The following MYBPC2 variants were observed in gnomAD, a reference collection of about 807,000 sequenced individuals.
MYBPC2 encodes the protein myosin-binding protein C, fast-type.
In MYBPC2, 122 loss-of-function variants were observed where a neutral mutation model predicts 137.0. That is an observed-to-expected ratio of 0.89 (90% CI 0.77 to 1.03). The LOEUF is 1.03. MYBPC2 is among the 50% of genes least tolerant of loss of function. The pLI is 0.00. For synonymous variants in MYBPC2, 626 were observed against 612.3 expected (o/e 1.02, Z -0.33); for missense variants, 1,500 against 1,534.4 (o/e 0.98, Z 0.37).
At chr19:50,437,822 C>A in intron 7 of MYBPC2, 104 bp downstream of exon 7, 1 of 1,255,304 alleles carries the variant, frequency 8.0e-7, no homozygotes, top group Non-Finnish European at 1.1e-6. Context: ...CACTGCTTAT[C>A]CCTCTACCAC....
chr19:50,466,066 C>T lies in MYBPC2; in HGVS notation c.3416-129C>T, dbSNP rs2040013196. On this transcript the variant is annotated intron_variant, in intron 27 of 27. Transcript: ENST00000357701. The surrounding 1 kb of genome is among the most constrained non-coding windows in gnomAD (Gnocchi z 4.9). ...CTCTGGGTTGTCCAGCCACAGTGGC[C>T]TAGGATGGGGCGGGATGGTGACCGT... The T allele has an allele frequency of 9.0e-6, 12 of 1,329,272 alleles. No homozygotes were observed. Among genetic ancestry groups the T allele is most frequent in the South Asian group, 1.3e-5 (1 of 77,832 alleles). 82.3% of individuals were successfully genotyped at this position (1,329,272 alleles called of 1,614,324 possible). A position where few individuals can be genotyped will look rare whatever the true frequency, so the allele number is the denominator to read the frequency against.
rs1157032617 is a variant in MYBPC2, at chr19:50,432,909, G to A, written c.-45G>A. On this transcript the variant is annotated 5_prime_UTR_variant, in exon 1 of 28. Transcript: ENST00000357701. The surrounding 1 kb of genome is among the most constrained non-coding windows in gnomAD (Gnocchi z 5.5). ...GCCCACCTGTCCTCCCTAGGGCCTA[G>A]CGGGACGCGGCTGCGGTCAGAGGAG... is the stretch of plus-strand genomic sequence containing the variant. The A allele has an allele frequency of 1.9e-6, 3 of 1,599,178 alleles. No individual in the cohort carries two copies. The highest frequency in any genetic ancestry group is 2.6e-6 in the Non-Finnish European group (3 of 1,175,708).
Position 50,446,018 on chromosome 19 carries a change from T to C in MYBPC2, c.1272T>C (p.Asn424=), listed in dbSNP as rs371649646. Residue 424 remains asparagine (N), a synonymous_variant, in exon 12 of 28, where the codon AAT becomes AAC. Transcript: ENST00000357701. ...GGGGTCGCTATCAGGTCATAACCAA[T>C]GGCGGCCAGTGTGAGGCCGAGCTGA... ...EDRGRYQVIT[N]GGQCEAELIV... 1.9e-6 allele frequency: 3 copies of C among 1,613,302 alleles called. No homozygotes were observed. The highest frequency in any genetic ancestry group is 2.5e-6 in the Non-Finnish European group (3 of 1,179,664).
rs768287388 is a variant in MYBPC2, at chr19:50,437,630, A to G, written c.513-29A>G. ...GGCAAGGGGTGAATCTGAAGGGTCA[A>G]GACTCACATGCCCTCTCAATGGCCA... is the stretch of plus-strand genomic sequence containing the variant. On this transcript the variant is annotated intron_variant, in intron 6 of 27. Transcript: ENST00000357701. 6.3e-6 allele frequency: 10 copies of G among 1,597,892 alleles called. No individual in the cohort carries two copies. The East Asian group carries it at 6.8e-5, about 11-fold the overall frequency.
At chr19:50,461,441 C>T in intron 24 of MYBPC2, 101 bp from the exon 25 acceptor site, 2 of 1,260,726 alleles carry the variant, frequency 1.6e-6, no homozygotes, top group Non-Finnish European at 2.2e-6. Flanking sequence ...TTTTTAAACA[C>T]TGGATGTGCT....
intron 16 of MYBPC2, among the ~76,000 whole-genome samples, chr19:50,453,085 G>A (rs906435192): frequency 5.9e-5 from 9 of 151,990 alleles, no homozygotes; most frequent in Non-Finnish European, 8.8e-5. Flanking sequence ...TGCGGCTCCT[G>A]CCCTCCAAGA....
chr19:50,462,170 A>T lies in MYBPC2; in HGVS notation c.3228+134A>T, dbSNP rs193283458. 5.0e-4 allele frequency: 649 copies of T among 1,300,372 alleles called. 3 individuals are homozygous for T. Among genetic ancestry groups the T allele is most frequent in the African/African-American group, 2.2e-3 (146 of 65,762 alleles). The allele number at this position is 1,300,372 out of a possible 1,614,324, so 80.6% of individuals were successfully genotyped here. A position where few individuals can be genotyped will look rare whatever the true frequency, so the allele number is the denominator to read the frequency against. On this transcript the variant is annotated intron_variant, in intron 26 of 27. Coordinates refer to ENST00000357701, the MANE Select transcript of MYBPC2 (RefSeq NM_004533.4). ...CTCAAGGGATTTAGTCACTTAAAAA[A>T]TTTTTTTAATTGATTTTTGATTTTT...
chr19:50,441,859 A>AAAAATAAAAT (rs769002509), intron 8 of MYBPC2, among the ~76,000 whole-genome samples: 111 of 150,768 alleles, frequency 7.4e-4, no homozygotes, highest in South Asian at 5.8e-3. Context: ...AAATAAAATA[A>AAAAATAAAAT]AAAATAAAAT....
rs201993299 is a variant in MYBPC2, at chr19:50,455,516, C to T, written c.2210C>T (p.Thr737Met). 1.8e-4 allele frequency: 292 copies of T among 1,613,214 alleles called. No homozygotes were observed. The African/African-American group carries it at 2.2e-3, about 12-fold the overall frequency. ...TTTTTCTGGATGCTTGCAGCACCCA[C>T]GAGTGAACCCCTGCACCTGATAGTG... is the stretch of plus-strand genomic sequence containing the variant. ...NTKPFMPIAPTSEPLHLIVED... is the reference protein window; with the variant it reads ...NTKPFMPIAPMSEPLHLIVED... Residue 737 changes from threonine (T) to methionine (M), a missense_variant, in exon 20 of 28, where the codon ACG becomes ATG. Thr to Met is a moderately conservative substitution (Grantham distance 81, BLOSUM62 -1). Coordinates refer to ENST00000357701, the MANE Select transcript of MYBPC2 (RefSeq NM_004533.4).
chr19:50,452,496 GTATGTATGTATGTATCTATCTA>G (rs1332856692), intron 16 of MYBPC2, among the ~76,000 whole-genome samples: 2 of 51,912 alleles, frequency 3.9e-5, no homozygotes, highest in Admixed American at 3.9e-4. Flanking sequence ...ATGTATGTAT[GTATGTATGTATGTATCTATCTA>G]TCTATCTATC....
intron 24 of MYBPC2, 79 bp from the exon 25 acceptor site, chr19:50,461,463 T>C: frequency 7.0e-7 from 1 of 1,436,326 alleles, no homozygotes; most frequent in Non-Finnish European, 9.5e-7. Flanking sequence ...TTCTCACCCC[T>C]TCTTTCGTCT....
chr19:50,437,765 A>T, intron 7 of MYBPC2, 47 bp downstream of exon 7: 1 of 1,566,328 alleles, frequency 6.4e-7, no homozygotes, highest in Non-Finnish European at 8.7e-7. Flanking sequence ...ACTCAAGGGG[A>T]GGAGGTGGTG....
At chr19:50,438,761 G>A (rs1269783390) in intron 7 of MYBPC2, among the ~76,000 whole-genome samples, 1 of 152,044 alleles carries the variant, frequency 6.6e-6, no homozygotes, top group Non-Finnish European at 1.5e-5. Context: ...AACTACTTAG[G>A]AGGCTGAGGG....
intron 16 of MYBPC2, among the ~76,000 whole-genome samples, chr19:50,452,496 G>C (rs62116069): frequency 0.18 from 9,327 of 51,494 alleles, 500 homozygotes; most frequent in African/African-American, 0.32. Flanking sequence ...ATGTATGTAT[G>C]TATGTATGTA....
chr19:50,452,948 T>G (rs1384319313), intron 16 of MYBPC2, among the ~76,000 whole-genome samples: 2 of 152,102 alleles, frequency 1.3e-5, no homozygotes, highest in East Asian at 3.9e-4. Context: ...TCATTTCTTC[T>G]CTGTGCTTCC....
chr19:50,457,718 C>T (rs2039926955), intron 20 of MYBPC2, among the ~76,000 whole-genome samples: 2 of 135,596 alleles, frequency 1.5e-5, no homozygotes, highest in Non-Finnish European at 3.0e-5. Context: ...CTTGGTCTGT[C>T]GCCCAGGCTG....
rs370415039 is a variant in MYBPC2 at position 50,455,150 on chromosome 19, T to C, written c.2057T>C (p.Met686Thr). The change falls in exon 19 of 28, where the codon ATG becomes ACG. Residue 686 changes from methionine to threonine, a missense_variant. Transcript: ENST00000357701. Reference protein sequence around the residue: ...ERKKKGSQRWMKLNFEVFTET... With the variant: ...ERKKKGSQRWTKLNFEVFTET... Reference sequence around the variant, plus strand: ...AAGAAGAAGGGCTCTCAGCGCTGGATGAAGCTGAACTTTGAGGTCTTCACA... The same window carrying C: ...AAGAAGAAGGGCTCTCAGCGCTGGACGAAGCTGAACTTTGAGGTCTTCACA... The C allele has an allele frequency of 3.1e-6, 5 of 1,613,672 alleles. No individual in the cohort carries two copies. Among genetic ancestry groups the C allele is most frequent in the African/African-American group, 1.3e-5 (1 of 74,886 alleles).
chr19:50,453,726 G>C (rs543657299), intron 16 of MYBPC2, among the ~76,000 whole-genome samples: 1 of 151,962 alleles, frequency 6.6e-6, no homozygotes, highest in African/African-American at 2.4e-5. Context: ...TTTTAGTAGA[G>C]ATGGGGTTTC....
intron 20 of MYBPC2, among the ~76,000 whole-genome samples, chr19:50,457,869 A>G (rs556097311): frequency 2.7e-5 from 4 of 150,748 alleles, no homozygotes; most frequent in Non-Finnish European, 5.9e-5. Flanking sequence ...TAATAGAGAC[A>G]GGGTTTCGCC....
Sources: allele counts gnomAD v4.1 joint callset (sites outside exome capture counted in the v4.1 genomes callset), GRCh38; gene constraint gnomAD v4.1.1; non-coding constraint Gnocchi (gnomAD v3.1); transcripts MANE v1.5; gene names NCBI Gene and HGNC (gene_info 2026-07-23, HGNC 2026-07-21).